Variants in ZNF730 observed in about 807,000 individuals in gnomAD.
The protein encoded by ZNF730 is putative zinc finger protein 730.
In ZNF730, 12 loss-of-function variants were observed where a neutral mutation model predicts 12.6. The observed-to-expected ratio is 0.95, with a 90% CI of 0.61 to 1.54. The LOEUF (loss-of-function observed/expected upper bound fraction) is 1.54. Among genes scored for constraint, ZNF730 ranks in the 40% most tolerant of loss-of-function variants. The pLI, the probability that ZNF730 is intolerant of heterozygous loss-of-function variation, is 0.00. For missense variants in ZNF730, 643 were observed against 583.5 expected (o/e 1.10, Z -1.05); for synonymous variants, 194 against 195.8 (o/e 0.99, Z 0.08).
chr19:23,138,646 T>C (rs574728674), intron 3 of ZNF730, among the ~76,000 whole-genome samples: 1 of 152,338 alleles, frequency 6.6e-6, no homozygotes, highest in South Asian at 2.1e-4. Context: ...GCCACCTGAA[T>C]GAAAGCCTGC....
intron 1 of ZNF730, chr19:23,095,368 G>T (rs916472466): frequency 2.8e-5 from 11 of 398,560 alleles, no homozygotes; most frequent in Non-Finnish European, 4.9e-5. Flanking sequence ...TCCAACAACT[G>T]GTTGATGTAG....
chr19:23,114,959 T>TC (rs1395938758), upstream of ZNF730, among the ~76,000 whole-genome samples: 5 of 152,140 alleles, frequency 3.3e-5, no homozygotes, highest in Non-Finnish European at 7.3e-5. Flanking sequence ...TAATTTTTTT[T>TC]CATGAAGACA....
chr19:23,132,577 C>A (rs1237961730), intron 1 of ZNF730, among the ~76,000 whole-genome samples: 2 of 150,496 alleles, frequency 1.3e-5, no homozygotes, highest in African/African-American at 4.9e-5. Context: ...AATTTATAAT[C>A]TGCAATATTA....
chr19:23,133,379 T>C (rs1010813343), intron 1 of ZNF730, among the ~76,000 whole-genome samples: 1 of 152,220 alleles, frequency 6.6e-6, no homozygotes, highest in Non-Finnish European at 1.5e-5. Flanking sequence ...TTCACTCTTA[T>C]TGCCCAGGCT....
intron 1 of ZNF730, among the ~76,000 whole-genome samples, chr19:23,101,250 CAG>C (rs1195035010): frequency 4.5e-5 from 4 of 88,152 alleles, no homozygotes; most frequent in African/African-American, 1.6e-4. Flanking sequence ...ATGTCAGACA[CAG>C]AGACTGTGAA....
chr19:23,146,191 C>CT lies in ZNF730; in HGVS notation c.1149dup (p.Thr384TyrfsTer4). 6.2e-7 allele frequency: 1 copy of CT among 1,609,506 alleles called. No homozygotes were observed. The highest frequency in any genetic ancestry group is 8.5e-7 in the Non-Finnish European group (1 of 1,177,602). On this transcript the variant is annotated frameshift_variant, in exon 4 of 4. Coordinates refer to ENST00000597761, the MANE Select transcript of ZNF730 (RefSeq NM_001277403.2). LOFTEE classifies it low-confidence loss of function (END_TRUNC). The stretch of plus-strand genomic sequence containing the variant: ...TAAAGCTTTTAACCAATCCTCAACT[C>CT]TTACTATACATAAGATAATTCATAC...
In ZNF730 at chr19:23,145,297, C is replaced by T; in HGVS notation, c.253C>T (p.Leu85Phe). 1.3e-6 allele frequency: 2 copies of T among 1,562,026 alleles called. No individual in the cohort carries two copies. Among genetic ancestry groups the T allele is most frequent in the Non-Finnish European group, 8.6e-7 (1 of 1,157,976 alleles). Residue 85 changes from leucine (L) to phenylalanine (F), a missense_variant, in exon 4 of 4, where the codon CTT becomes TTT. Physicochemically the swap from Leu to Phe is conservative, Grantham distance 22. Coordinates refer to ENST00000597761, the MANE Select transcript of ZNF730 (RefSeq NM_001277403.2). ...PVICSHIAQD[L>F]WPEQGIKDYF... ...TATATGTTCTCATATTGCCCAAGAC[C>T]TTTGGCCAGAGCAAGGCATAAAAGA...
chr19:23,081,671 A>G (rs1286522647), intron 1 of ZNF730, among the ~76,000 whole-genome samples: 1 of 151,932 alleles, frequency 6.6e-6, no homozygotes, highest in African/African-American at 2.4e-5. Flanking sequence ...GCCAGACTGG[A>G]CTTGAATTTC....
At chr19:23,127,760 G>T in intron 1 of ZNF730, 1 of 933,590 alleles carries the variant, frequency 1.1e-6, no homozygotes, top group Non-Finnish European at 1.8e-6. Flanking sequence ...CTCTTCCTGA[G>T]AGGAAGTTAG....
Position 23,142,913 on chromosome 19 carries a change from C to T in ZNF730, c.227-2358C>T, listed in dbSNP as rs1185561684. Among the ~76,000 whole-genome samples the T allele has an allele frequency of 3.3e-5, 5 of 151,564 alleles. No homozygotes were observed. The East Asian group carries it at 7.8e-4, about 24-fold the overall frequency. On this transcript the variant is annotated intron_variant, in intron 3 of 3. Coordinates refer to ENST00000597761, the MANE Select transcript of ZNF730 (RefSeq NM_001277403.2). ...CTTTGTGTATCTATACAGATATTTT[C>T]TTTGTGGTACCTTGGGGATTACATA... is the stretch of plus-strand genomic sequence containing the variant.
At chr19:23,141,302 G>T (rs368433670) in intron 3 of ZNF730, among the ~76,000 whole-genome samples, 203 of 152,158 alleles carry the variant, frequency 1.3e-3, no homozygotes, top group African/African-American at 4.7e-3. Context: ...GGCTGAGGCA[G>T]GGGAATCACT....
At chr19:23,126,785 C>T (rs1411182867) in intron 1 of ZNF730, 4 of 511,984 alleles carry the variant, frequency 7.8e-6, no homozygotes, top group East Asian at 5.3e-5. Flanking sequence ...TTTTAGCCAG[C>T]AGAACATCTT....
At position 23,091,258 on chromosome 19, in the gene ZNF730, T is replaced by C. The variant is rs532974883; in HGVS notation, c.-94+15871T>C. Among the ~76,000 whole-genome samples, 3 of 152,146 alleles carry C rather than the reference T, an allele frequency of 2.0e-5. No homozygotes were observed. The South Asian group carries it at 6.2e-4, about 32-fold the overall frequency. On this transcript the variant is annotated intron_variant, in intron 1 of 2. Transcript: ENST00000593635. ...GAACCTCCACCTAGATTTCAGAAAA[T>C]GTATGGCAACACGTGGATATCCGGG...
Position 23,085,826 on chromosome 19 carries a change from A to ATTTTTT in ZNF730, c.-94+10443_-94+10448dup, listed in dbSNP as rs1383951518. Among the ~76,000 whole-genome samples the ATTTTTT allele has an allele frequency of 2.1e-4, 15 of 72,568 alleles. 2 individuals are homozygous for ATTTTTT. Among genetic ancestry groups the ATTTTTT allele is most frequent in the African/African-American group, 8.3e-4 (14 of 16,782 alleles). The allele number at this position is 72,568 out of a possible 152,430, so 47.6% of individuals were successfully genotyped here. On this transcript the variant is annotated intron_variant, in intron 1 of 2. Transcript: ENST00000593635. ...ACCGCACCCAGACCTATTTCACCCA[A>ATTTTTT]TTTTTTTTTCTTTTTTTTTTTTTTT...
intron 1 of ZNF730, among the ~76,000 whole-genome samples, chr19:23,077,099 A>G (rs1969875088): frequency 6.6e-6 from 1 of 152,162 alleles, no homozygotes; most frequent in African/African-American, 2.4e-5. Context: ...AAAACTAAAT[A>G]CCACATATTC....
At chr19:23,127,166 C>G (rs1407534318) in intron 1 of ZNF730, 1 of 539,286 alleles carries the variant, frequency 1.9e-6, no homozygotes, top group African/African-American at 1.9e-5. Flanking sequence ...TGTTCATGCT[C>G]AAAGAAATTA....
chr19:23,120,521 C>T (rs771074557), intron 1 of ZNF730, among the ~76,000 whole-genome samples: 15 of 151,444 alleles, frequency 9.9e-5, no homozygotes, highest in Non-Finnish European at 1.6e-4. Context: ...GTGGTAATGT[C>T]GCTTTTGTCA....
chr19:23,141,145 AACACTT>A (rs1292067237), intron 3 of ZNF730, among the ~76,000 whole-genome samples: 3 of 152,142 alleles, frequency 2.0e-5, no homozygotes, highest in African/African-American at 7.2e-5. Context: ...CTGTAATCCC[AACACTT>A]TGGGACGCCG....
chr19:23,098,854 A>T (rs913886451), intron 1 of ZNF730, among the ~76,000 whole-genome samples: 3 of 152,070 alleles, frequency 2.0e-5, no homozygotes, highest in African/African-American at 7.2e-5. Context: ...TGTGATGATG[A>T]CTCTAATACT....
Sources: allele counts gnomAD v4.1 joint callset (sites outside exome capture counted in the v4.1 genomes callset), GRCh38; gene constraint gnomAD v4.1.1; transcripts MANE v1.5; gene names NCBI Gene and HGNC (gene_info 2026-07-23, HGNC 2026-07-21).